GPR141: variants seen among roughly 807,000 people sequenced by gnomAD.
GPR141 encodes G protein-coupled receptor 141.
A neutral mutation model predicts 6.8 loss-of-function variants in GPR141; 6 were observed. That is an observed-to-expected ratio of 0.88 (90% CI 0.48 to 1.74). The LOEUF is 1.74. Ranked by LOEUF, GPR141 falls within the 40% of genes most tolerant of loss-of-function variation. The probability of loss-of-function intolerance (pLI) is 0.01; values close to 1 mark genes in which losing one functional copy is unlikely to be tolerated. For missense variants in GPR141, 372 were observed against 372.9 expected (o/e 1.00, Z 0.02); for synonymous variants, 140 against 142.3 (o/e 0.98, Z 0.11).
intron 2 of GPR141, among the ~76,000 whole-genome samples, chr7:37,739,225 A>G (rs1812407821): frequency 6.6e-6 from 1 of 152,248 alleles, no homozygotes; most frequent in South Asian, 2.1e-4. Context: ...ATAAATGAAT[A>G]AGAATAATTG....
At chr7:37,701,461 A>T (rs766111676) in intron 2 of GPR141, among the ~76,000 whole-genome samples, 1 of 152,152 alleles carries the variant, frequency 6.6e-6, no homozygotes, top group African/African-American at 2.4e-5. Context: ...TTCACTTCCT[A>T]TGCAGACTTG....
intron 2 of GPR141, among the ~76,000 whole-genome samples, chr7:37,693,734 G>A (rs149157670): frequency 2.0e-5 from 3 of 152,244 alleles, no homozygotes; most frequent in African/African-American, 7.2e-5. Context: ...CCTGGGAAGA[G>A]GGGTATCTCA....
chr7:37,737,828 A>G (rs1206708226), intron 2 of GPR141, among the ~76,000 whole-genome samples: 1 of 152,220 alleles, frequency 6.6e-6, no homozygotes, highest in Non-Finnish European at 1.5e-5. Flanking sequence ...ACAGAAAAGC[A>G]GTCCAGAAAG....
At chr7:37,719,328 T>C (rs1483144646) in intron 2 of GPR141, among the ~76,000 whole-genome samples, 1 of 152,236 alleles carries the variant, frequency 6.6e-6, no homozygotes, top group Non-Finnish European at 1.5e-5. Flanking sequence ...ATTAGTCATC[T>C]TGTCTGACCA....
chr7:37,712,377 A>G (rs1458510999), intron 2 of GPR141, among the ~76,000 whole-genome samples: 1 of 152,134 alleles, frequency 6.6e-6, no homozygotes, highest in African/African-American at 2.4e-5. Context: ...CAGGGTGTGT[A>G]TGTCTGAGGG....
At chr7:37,713,270 T>G (rs146738278) in intron 2 of GPR141, 10 of 152,346 alleles carry the variant, frequency 6.6e-5, no homozygotes, top group African/African-American at 2.4e-4. Context: ...GTGAAATACA[T>G]GTAAGAAAAT....
chr7:37,730,369 C>A (rs1417458683), intron 2 of GPR141, among the ~76,000 whole-genome samples: 1 of 152,158 alleles, frequency 6.6e-6, no homozygotes, highest in East Asian at 1.9e-4. Context: ...ATCCTGGGCA[C>A]CTTGTAAGCT....
At chr7:37,725,139 C>A (rs1038742993) in intron 2 of GPR141, among the ~76,000 whole-genome samples, 1 of 152,044 alleles carries the variant, frequency 6.6e-6, no homozygotes, top group African/African-American at 2.4e-5. Flanking sequence ...GATGGAGACA[C>A]CATGACCACT....
chr7:37,730,196 C>G (rs1811852562), intron 2 of GPR141, among the ~76,000 whole-genome samples: 1 of 152,018 alleles, frequency 6.6e-6, no homozygotes, highest in African/African-American at 2.4e-5. Flanking sequence ...CCCTCACTTT[C>G]TTGATCTCTC....
At chr7:37,712,856 G>A (rs1396012617) in intron 2 of GPR141, among the ~76,000 whole-genome samples, 1 of 152,162 alleles carries the variant, frequency 6.6e-6, no homozygotes, top group East Asian at 1.9e-4. Context: ...TGGTGGCTCT[G>A]CAGAGCTCAG....
At chr7:37,713,230 C>G (rs1810891862) in intron 2 of GPR141, 1 of 152,306 alleles carries the variant, frequency 6.6e-6, no homozygotes, top group African/African-American at 2.4e-5. Flanking sequence ...GTGTCCCTAA[C>G]ACAAATATAT....
At chr7:37,699,138 T>A (rs1810157498) in intron 2 of GPR141, among the ~76,000 whole-genome samples, 1 of 152,238 alleles carries the variant, frequency 6.6e-6, no homozygotes, top group African/African-American at 2.4e-5. Flanking sequence ...TGATCCAGAA[T>A]CACGGATTGG....
At chr7:37,733,323 C>A (rs1468663919) in intron 2 of GPR141, among the ~76,000 whole-genome samples, 2 of 152,122 alleles carry the variant, frequency 1.3e-5, no homozygotes, top group Admixed American at 6.5e-5. Context: ...GTCACCATAA[C>A]ACATGGTGAC....
At chr7:37,734,218 T>C (rs1277117602) in intron 2 of GPR141, among the ~76,000 whole-genome samples, 1 of 152,182 alleles carries the variant, frequency 6.6e-6, no homozygotes. Flanking sequence ...ATGTTGTATA[T>C]TGTTTTAATT....
At position 37,707,704 on chromosome 7, in the gene GPR141, A is replaced by T. The variant is rs575515061; in HGVS notation, c.-15+22121A>T. Among the ~76,000 whole-genome samples, 9 of 152,294 alleles carry T rather than the reference A, an allele frequency of 5.9e-5. No homozygotes were observed. In the South Asian group the frequency reaches 1.9e-3, roughly 32 times the overall value. ...CCAGCTAGTAAATAATAAAGGCAAG[A>T]TTTTAGAGCCAACGCTTATAGTCAT... On this transcript the variant is annotated intron_variant, in intron 2 of 2. Transcript: ENST00000334425.
At chr7:37,731,851 T>C (rs1472246291) in intron 2 of GPR141, among the ~76,000 whole-genome samples, 1 of 152,104 alleles carries the variant, frequency 6.6e-6, no homozygotes, top group Non-Finnish European at 1.5e-5. Context: ...TATTGCTTCA[T>C]GGTGTTCCTC....
rs1373813664 is a variant in GPR141, at chr7:37,741,593, G to C, written c.*282G>C. ...CTGTGTGGCCCATGAAAGCAACATA[G>C]GTTTTAAGAGTTTTAGAGTTTCATT... On this transcript the variant is annotated 3_prime_UTR_variant, in exon 3 of 3. Coordinates refer to ENST00000334425, the MANE Select transcript of GPR141 (RefSeq NM_001381946.1). Among the ~76,000 whole-genome samples the C allele has an allele frequency of 6.6e-6, 1 of 152,144 alleles. No homozygotes were observed. The highest frequency in any genetic ancestry group is 1.5e-5 in the Non-Finnish European group (1 of 68,024).
At position 37,740,541 on chromosome 7, in the gene GPR141, G is replaced by A; in HGVS notation, c.148G>A (p.Val50Met). The A allele has an allele frequency of 1.2e-6, 2 of 1,614,098 alleles. No individual in the cohort carries two copies. The highest frequency in any genetic ancestry group is 2.7e-5 in the African/African-American group (2 of 75,040). Reference sequence around the variant, plus strand: ...CCTGGTGAAAATGAACACCCGGTCAGTGACCACCATGGCGGTCATTAACTT... The same window carrying A: ...CCTGGTGAAAATGAACACCCGGTCAATGACCACCATGGCGGTCATTAACTT... Reference protein sequence around the residue: ...FLLVKMNTRSVTTMAVINLVV... With the variant: ...FLLVKMNTRSMTTMAVINLVV... The change falls in exon 3 of 3, where the codon GTG becomes ATG. Residue 50 changes from valine (V) to methionine (M), a missense_variant. Physicochemically the swap from Val to Met is conservative, Grantham distance 21. Transcript: ENST00000334425.
At chr7:37,699,378 G>A (rs1030776227) in intron 2 of GPR141, among the ~76,000 whole-genome samples, 3 of 152,232 alleles carry the variant, frequency 2.0e-5, no homozygotes, top group South Asian at 4.2e-4. Context: ...TGGCTAACAC[G>A]GTGAAACCCC....
Sources: allele counts gnomAD v4.1 joint callset (sites outside exome capture counted in the v4.1 genomes callset), GRCh38; gene constraint gnomAD v4.1.1; transcripts MANE v1.5; gene names NCBI Gene and HGNC (gene_info 2026-07-23, HGNC 2026-07-21).